Variants in WDR41 observed in about 807,000 individuals in gnomAD.
WDR41 encodes WD repeat-containing protein 41.
WDR41 carries 63 observed loss-of-function variants against 69.3 expected under a neutral mutation model. The observed-to-expected ratio is 0.91, with a 90% CI of 0.74 to 1.12. The LOEUF (loss-of-function observed/expected upper bound fraction) is 1.12, where lower values mean the gene tolerates loss of function less well. WDR41 is among the 50% of genes most tolerant of loss of function. WDR41 has a pLI of 0.00. For synonymous variants in WDR41, 185 were observed against 192.1 expected, an observed-to-expected ratio of 0.96 and a Z score of 0.31; for missense variants, 543 against 534.5, an observed-to-expected ratio of 1.02 and a Z score of -0.16.
intron 5 of WDR41, among the ~76,000 whole-genome samples, chr5:77,456,716 T>C (rs1338134306): frequency 6.6e-6 from 1 of 152,154 alleles, no homozygotes; most frequent in East Asian, 1.9e-4. Flanking sequence ...TTATTATTTT[T>C]TTTGAGACAG....
chr5:77,533,535 T>C (rs567536506), intron 1 of WDR41, among the ~76,000 whole-genome samples: 10 of 152,204 alleles, frequency 6.6e-5, no homozygotes, highest in African/African-American at 2.4e-4. Flanking sequence ...TATACCTACA[T>C]CTATACCTAT....
chr5:77,517,016 CAAAAAAA>C (rs11286686), intron 1 of WDR41, among the ~76,000 whole-genome samples: 1 of 113,004 alleles, frequency 8.8e-6, no homozygotes, highest in Non-Finnish European at 2.0e-5. Context: ...ACTCCATCTC[CAAAAAAA>C]AAAAAAGGAA....
At chr5:77,571,607 G>T (rs1384470240) in intron 1 of WDR41, among the ~76,000 whole-genome samples, 3 of 152,118 alleles carry the variant, frequency 2.0e-5, no homozygotes, top group Non-Finnish European at 4.4e-5. Flanking sequence ...TGGAAATGAT[G>T]CCCTCCTTCA....
chr5:77,616,784 G>A (rs1744688251), intron 1 of WDR41, among the ~76,000 whole-genome samples: 1 of 152,110 alleles, frequency 6.6e-6, no homozygotes, highest in Admixed American at 6.5e-5. Context: ...GAAAATCACC[G>A]AAGCATGGAT....
intron 10 of WDR41, among the ~76,000 whole-genome samples, chr5:77,437,795 T>A (rs1272934792): frequency 6.6e-6 from 1 of 152,168 alleles, no homozygotes; most frequent in Non-Finnish European, 1.5e-5. Context: ...TGATAGTCCC[T>A]GTCCATATGT....
chr5:77,458,668 C>T (rs1482702198), intron 5 of WDR41, among the ~76,000 whole-genome samples: 1 of 152,148 alleles, frequency 6.6e-6, no homozygotes, highest in African/African-American at 2.4e-5. Flanking sequence ...ACTGACATGT[C>T]TTGCCTTTGT....
At position 77,459,069 on chromosome 5, in the gene WDR41, G is replaced by A. The variant is rs1280732616; in HGVS notation, c.404C>T (p.Thr135Ile). ...QVQRISCFQS[T>I]VKCLTVLQRL... ...ATTTACTTAAGATTTTACCTTTACA[G>A]TAGACTGGAAGCATGATATTCTCTG... The change falls in exon 5 of 13, where the codon ACT becomes ATT. Residue 135 changes from threonine to isoleucine, a missense_variant. Thr to Ile is a moderately conservative substitution (Grantham distance 89). Coordinates refer to ENST00000296679, the MANE Select transcript of WDR41 (RefSeq NM_018268.4). 6 of 1,597,660 alleles carry A rather than the reference G, an allele frequency of 3.8e-6. No individual in the cohort carries two copies. The highest frequency in any genetic ancestry group is 1.7e-4 in the Middle Eastern group (1 of 6,028).
At chr5:77,514,958 CAG>C (rs1170228685) in intron 1 of WDR41, among the ~76,000 whole-genome samples, 1 of 152,168 alleles carries the variant, frequency 6.6e-6, no homozygotes, top group African/African-American at 2.4e-5. Context: ...CTGGGTGAGT[CAG>C]TGAGTGAGAG....
At chr5:77,493,165 G>C (rs957775518), upstream of WDR41, among the ~76,000 whole-genome samples, 2 of 152,164 alleles carry the variant, frequency 1.3e-5, no homozygotes, top group South Asian at 2.1e-4. Flanking sequence ...CGTAGGAATC[G>C]GGGTTTTGGG....
chr5:77,586,042 T>C (rs997795776), intron 1 of WDR41, among the ~76,000 whole-genome samples: 2 of 152,278 alleles, frequency 1.3e-5, no homozygotes, highest in Admixed American at 6.5e-5. Flanking sequence ...AATAACTCTA[T>C]CTAAAACTTC....
chr5:77,462,822 C>T (rs934950514), intron 4 of WDR41, among the ~76,000 whole-genome samples: 1 of 152,122 alleles, frequency 6.6e-6, no homozygotes, highest in Non-Finnish European at 1.5e-5. Context: ...CCACATTTTC[C>T]CATTTCATCA....
intron 12 of WDR41, among the ~76,000 whole-genome samples, chr5:77,435,246 A>C (rs115354725): frequency 1.6e-3 from 244 of 152,312 alleles, no homozygotes; most frequent in African/African-American, 5.3e-3. Context: ...CTATATACTC[A>C]TCCTACTAAA....
At chr5:77,471,707 C>T (rs1221562353) in intron 2 of WDR41, among the ~76,000 whole-genome samples, 3 of 152,122 alleles carry the variant, frequency 2.0e-5, no homozygotes, top group African/African-American at 7.2e-5. Context: ...GACACATACA[C>T]CCTCCCAAGA....
chr5:77,521,553 A>G (rs1802370557), intron 1 of WDR41, among the ~76,000 whole-genome samples: 1 of 152,234 alleles, frequency 6.6e-6, no homozygotes, highest in African/African-American at 2.4e-5. Context: ...CAAGTGATTA[A>G]TTTTTGAGGT....
intron 1 of WDR41, among the ~76,000 whole-genome samples, chr5:77,523,446 A>T (rs1802402285): frequency 2.0e-5 from 3 of 152,150 alleles, no homozygotes; most frequent in Admixed American, 2.0e-4. Flanking sequence ...TTTACAAACA[A>T]AGGAGTAAAG....
At chr5:77,573,270 T>C (rs1227419887) in intron 1 of WDR41, among the ~76,000 whole-genome samples, 1 of 141,946 alleles carries the variant, frequency 7.0e-6, no homozygotes, top group Admixed American at 8.1e-5. Context: ...TCTCTCTCTT[T>C]ATTTTTTTTT....
chr5:77,558,884 ATAT>A lies in WDR41; in HGVS notation c.42+61592_42+61594del, dbSNP rs1743463620. ...TCAAAATAATAAAGTCATTGAAAAAATATTTTTTTTCTGTATTTTCCAAATTAT... is the reference window on the plus strand; with the variant it reads ...TCAAAATAATAAAGTCATTGAAAAAATTTTTTTCTGTATTTTCCAAATTAT... On this transcript the variant is annotated intron_variant, in intron 1 of 5. Transcript: ENST00000509971. Among the ~76,000 whole-genome samples, 4 of 64,242 alleles carry A rather than the reference ATAT, an allele frequency of 6.2e-5. No individual in the cohort carries two copies. The South Asian group carries it at 2.2e-3, about 36-fold the overall frequency. 42.1% of individuals were successfully genotyped at this position (64,242 alleles called of 152,430 possible). A position where few individuals can be genotyped will look rare whatever the true frequency, so the allele number is the denominator to read the frequency against.
chr5:77,521,057 T>C (rs1373039442), intron 1 of WDR41, among the ~76,000 whole-genome samples: 1 of 152,090 alleles, frequency 6.6e-6, no homozygotes, highest in Non-Finnish European at 1.5e-5. Flanking sequence ...CCCAAATAAG[T>C]TGGTATTGCC....
At chr5:77,614,844 G>A (rs1335772800) in intron 1 of WDR41, among the ~76,000 whole-genome samples, 2 of 151,540 alleles carry the variant, frequency 1.3e-5, no homozygotes. Flanking sequence ...AGGGGATAAA[G>A]GAACAAGTTA....
Sources: gnomAD v4.1 joint callset for allele counts (sites outside exome capture counted in the v4.1 genomes callset) on GRCh38, gnomAD v4.1.1 for gene constraint, MANE v1.5 for transcripts, NCBI Gene and HGNC (gene_info 2026-07-23, HGNC 2026-07-21) for gene names.